The following GREB1L variants were observed in gnomAD, a reference collection of about 807,000 sequenced individuals.
GREB1L encodes GREB1 like retinoic acid receptor coactivator.
Under a neutral mutation model 200.8 loss-of-function variants are expected in GREB1L, and 17 were observed. The ratio of observed to expected loss-of-function variants is 0.08; its 90% CI spans 0.06 to 0.13. The LOEUF (loss-of-function observed/expected upper bound fraction) is 0.13, where lower values mean the gene tolerates loss of function less well. Among genes scored for constraint, GREB1L ranks in the 10% least tolerant of loss-of-function variants. GREB1L has a pLI of 1.00. For missense variants in GREB1L, 1,657 were observed against 2,367.7 expected, an observed-to-expected ratio of 0.70 and a Z score of 6.23; for synonymous variants, 789 against 893.0, an observed-to-expected ratio of 0.88 and a Z score of 2.08.
chr18:21,286,281 G>C (rs2038355673), intron 1 of GREB1L, among the ~76,000 whole-genome samples: 1 of 152,144 alleles, frequency 6.6e-6, no homozygotes, highest in Non-Finnish European at 1.5e-5. Flanking sequence ...TCTTTGACTA[G>C]AATGTATACT....
At chr18:21,381,124 C>T (rs1311393306) in intron 2 of GREB1L, among the ~76,000 whole-genome samples, 2 of 152,116 alleles carry the variant, frequency 1.3e-5, no homozygotes, top group Non-Finnish European at 2.9e-5. Flanking sequence ...CGCCTGTAGC[C>T]GCAGCTACTC....
At chr18:21,373,376 C>G (rs1457983968) in intron 2 of GREB1L, among the ~76,000 whole-genome samples, 1 of 152,108 alleles carries the variant, frequency 6.6e-6, no homozygotes, top group African/African-American at 2.4e-5. Context: ...TTTTGTCACC[C>G]ACGCTGGAGT....
chr18:21,253,360 C>T (rs1378978112), intron 1 of GREB1L, among the ~76,000 whole-genome samples: 1 of 146,702 alleles, frequency 6.8e-6, no homozygotes, highest in African/African-American at 2.5e-5. Flanking sequence ...TCAAGTGATT[C>T]TAATCCCAGC....
At chr18:21,260,685 T>A (rs570041816) in intron 1 of GREB1L, among the ~76,000 whole-genome samples, 30,114 of 151,946 alleles carry the variant, frequency 0.2, 7,107 homozygotes, top group African/African-American at 0.57. Context: ...TTAAAAATAG[T>A]TGTATGACTG....
At chr18:21,339,359 C>T (rs1237282736) in intron 1 of GREB1L, among the ~76,000 whole-genome samples, 1 of 152,130 alleles carries the variant, frequency 6.6e-6, no homozygotes, top group Non-Finnish European at 1.5e-5. Context: ...TATTTCTAAT[C>T]AGGAATTTTC....
At chr18:21,433,319 T>C (rs549712550) in intron 7 of GREB1L, among the ~76,000 whole-genome samples, 1 of 152,214 alleles carries the variant, frequency 6.6e-6, no homozygotes, top group Non-Finnish European at 1.5e-5. Flanking sequence ...TCTGTACCAA[T>C]TTGAATTCAT....
In GREB1L at chr18:21,442,680, A is replaced by G. The variant is rs182155769; in HGVS notation, c.1207+1143A>G. Among the ~76,000 whole-genome samples the G allele has an allele frequency of 5.3e-5, 8 of 152,306 alleles. No homozygotes were observed. In the East Asian group the frequency reaches 1.5e-3, roughly 29 times the overall value. ...TGAGACTGTTTACTGACATTTAGGA[A>G]GACAACCTCACAAAAATAGCTAAGA... On this transcript the variant is annotated intron_variant, in intron 10 of 32. Coordinates refer to ENST00000424526, the MANE Select transcript of GREB1L (RefSeq NM_001142966.3).
At chr18:21,477,743 G>T (rs1351333668) in intron 17 of GREB1L, among the ~76,000 whole-genome samples, 1 of 149,970 alleles carries the variant, frequency 6.7e-6, no homozygotes, top group African/African-American at 2.5e-5. Flanking sequence ...CGGAGATTGT[G>T]CCACTGCACT....
chr18:21,402,186 A>G (rs1262061278), intron 6 of GREB1L, among the ~76,000 whole-genome samples: 1 of 152,196 alleles, frequency 6.6e-6, no homozygotes, highest in Non-Finnish European at 1.5e-5. Context: ...TGAATTATAG[A>G]TAAGTGTTTA....
chr18:21,403,729 G>C (rs544296459), intron 6 of GREB1L, 143 bp from the exon 7 acceptor site: 1 of 618,924 alleles, frequency 1.6e-6, no homozygotes, highest in African/African-American at 1.8e-5. Flanking sequence ...TTGGAGTCAG[G>C]ATGGGGAAGG....
chr18:21,416,069 A>G (rs1165337021), intron 7 of GREB1L, among the ~76,000 whole-genome samples: 3 of 152,208 alleles, frequency 2.0e-5, no homozygotes, highest in Non-Finnish European at 2.9e-5. Flanking sequence ...CATCAAGACA[A>G]TTATTATAAC....
At chr18:21,505,228 G>A (rs2036965425) in intron 23 of GREB1L, among the ~76,000 whole-genome samples, 184 bp from the exon 24 acceptor site, 1 of 152,186 alleles carries the variant, frequency 6.6e-6, no homozygotes, top group African/African-American at 2.4e-5. Flanking sequence ...GCCAGTGAGG[G>A]CAAATGTTCC....
intron 1 of GREB1L, among the ~76,000 whole-genome samples, chr18:21,246,954 CT>C (rs930652437): frequency 6.6e-6 from 1 of 152,196 alleles, no homozygotes; most frequent in Non-Finnish European, 1.5e-5. Flanking sequence ...GTTATGCCCA[CT>C]GACTTGAGTT....
chr18:21,298,765 C>T (rs1328864526), intron 1 of GREB1L, among the ~76,000 whole-genome samples: 1 of 151,962 alleles, frequency 6.6e-6, no homozygotes, highest in Non-Finnish European at 1.5e-5. Context: ...GAGACCTCGT[C>T]TCTATGCAAA....
intron 1 of GREB1L, among the ~76,000 whole-genome samples, chr18:21,284,096 T>G (rs142928166): frequency 3.0e-4 from 46 of 152,274 alleles, no homozygotes; most frequent in African/African-American, 1.1e-3. Flanking sequence ...CCTTTGTATG[T>G]GTTGTACCTG....
rs777867164 is a variant in GREB1L at position 21,267,740 on chromosome 18, G to C, written c.-120+25347G>C. Among the ~76,000 whole-genome samples, 63 of 151,248 alleles carry C rather than the reference G, an allele frequency of 4.2e-4. 1 individual carries two copies. Among genetic ancestry groups the C allele is most frequent in the Admixed American group, 1.8e-3 (27 of 15,190 alleles). On this transcript the variant is annotated intron_variant, in intron 1 of 32. Coordinates refer to ENST00000424526, the MANE Select transcript of GREB1L (RefSeq NM_001142966.3). Reference sequence around the variant, plus strand: ...TGCAGGAATTTTTTTTTCTACTTTTGCTTTCTGCCCTTAAGAAATAGTAGA... The same window carrying C: ...TGCAGGAATTTTTTTTTCTACTTTTCCTTTCTGCCCTTAAGAAATAGTAGA...
chr18:21,495,701 T>A lies in GREB1L; in HGVS notation c.3062T>A (p.Ile1021Asn), dbSNP rs1285425956. The change falls in exon 20 of 33, where the codon ATC becomes AAC. Residue 1021 changes from isoleucine to asparagine, a missense_variant. This residue lies in a region of GREB1L where 512 missense variants were observed against 668.3 expected (regional missense o/e 0.77). Transcript: ENST00000424526. The part of the protein sequence containing the change: ...SWRGNEPEEW[I>N]PRTYQDLDGL... ...AGAGGAAATGAACCAGAAGAGTGGA[T>A]CCCTCGGACATACCAAGATTTAGAC... is the stretch of plus-strand genomic sequence containing the variant. The A allele has an allele frequency of 6.5e-7, 1 of 1,541,426 alleles. No homozygotes were observed. The highest frequency in any genetic ancestry group is 2.5e-5 in the East Asian group (1 of 40,814).
chr18:21,332,537 C>T (rs2039121196), intron 1 of GREB1L, among the ~76,000 whole-genome samples: 2 of 152,008 alleles, frequency 1.3e-5, no homozygotes, highest in South Asian at 4.1e-4. Context: ...TGCAGTAGCA[C>T]AATCTTGGCT....
At chr18:21,302,816 G>A (rs1441502603) in intron 1 of GREB1L, among the ~76,000 whole-genome samples, 1 of 152,104 alleles carries the variant, frequency 6.6e-6, no homozygotes, top group African/African-American at 2.4e-5. Flanking sequence ...CCCCCTCCCA[G>A]GTTCAAGCAA....
Sources: gnomAD v4.1 joint callset for allele counts (sites outside exome capture counted in the v4.1 genomes callset) on GRCh38, gnomAD v4.1.1 for gene constraint, gnomAD v4.1.1 regional missense constraint, MANE v1.5 for transcripts, NCBI Gene and HGNC (gene_info 2026-07-23, HGNC 2026-07-21) for gene names.